The following SMAP1 variants were observed in gnomAD, a reference collection of about 807,000 sequenced individuals.
SMAP1 encodes the protein stromal membrane-associated protein 1.
Under a neutral mutation model 58.5 loss-of-function variants are expected in SMAP1, and 24 were observed. The observed-to-expected ratio is 0.41, with a 90% CI of 0.30 to 0.58. The LOEUF (loss-of-function observed/expected upper bound fraction) is 0.58, where lower values mean the gene tolerates loss of function less well. Among genes scored for constraint, SMAP1 ranks in the 20% least tolerant of loss-of-function variants. SMAP1 has a pLI of 0.29. For synonymous variants in SMAP1, 216 were observed against 196.6 expected (o/e 1.10, Z -0.82); for missense variants, 563 against 566.3 (o/e 0.99, Z 0.06).
chr6:70,820,876 G>A (rs922981794), intron 6 of SMAP1, among the ~76,000 whole-genome samples: 1 of 151,782 alleles, frequency 6.6e-6, no homozygotes, highest in East Asian at 1.9e-4. Flanking sequence ...TTTGCTTTTC[G>A]ACTCTTATTT....
intron 1 of SMAP1, among the ~76,000 whole-genome samples, chr6:70,671,685 A>G (rs967253231): frequency 6.6e-6 from 1 of 152,226 alleles, no homozygotes. Context: ...TGCATGTTCT[A>G]TCTCTGTAGG....
chr6:70,696,904 A>G (rs774860423), intron 1 of SMAP1, among the ~76,000 whole-genome samples: 4 of 152,150 alleles, frequency 2.6e-5, no homozygotes, highest in Admixed American at 6.5e-5. Flanking sequence ...TTTGCTTTAT[A>G]TATTTGGGTT....
At chr6:70,719,604 T>C (rs1450338942) in intron 1 of SMAP1, among the ~76,000 whole-genome samples, 1 of 152,180 alleles carries the variant, frequency 6.6e-6, no homozygotes, top group African/African-American at 2.4e-5. Flanking sequence ...TTCACGCTGC[T>C]GTTAAAGACG....
At chr6:70,799,553 G>A (rs1768758606) in intron 6 of SMAP1, among the ~76,000 whole-genome samples, 1 of 152,116 alleles carries the variant, frequency 6.6e-6, no homozygotes. Context: ...TCAGTAAAGG[G>A]AGCATCCTTG....
chr6:70,720,435 T>C (rs1197963357), intron 1 of SMAP1, among the ~76,000 whole-genome samples: 1 of 152,166 alleles, frequency 6.6e-6, no homozygotes, highest in East Asian at 1.9e-4. Flanking sequence ...GTGCAGGCTG[T>C]TAGTGGATCT....
intron 1 of SMAP1, among the ~76,000 whole-genome samples, chr6:70,704,217 TTTAG>T (rs1767748444): frequency 6.6e-6 from 1 of 152,254 alleles, no homozygotes; most frequent in African/African-American, 2.4e-5. Context: ...TCATGTAATT[TTTAG>T]AGCTATTAAC....
rs547430530 is a variant in SMAP1 at position 70,846,204 on chromosome 6, C to T, written c.665-6336C>T. 1.6e-4 allele frequency among the ~76,000 whole-genome samples: 24 copies of T among 152,106 alleles called. No individual in the cohort carries two copies. In the South Asian group the frequency reaches 3.9e-3, roughly 25 times the overall value. On this transcript the variant is annotated intron_variant, in intron 7 of 10. Transcript: ENST00000370455. ...AAAATAGTGTCATTATTTCACTTTTCTCCCACAAAAGTAGGATCACCTGAA... is the reference window on the plus strand; with the variant it reads ...AAAATAGTGTCATTATTTCACTTTTTTCCCACAAAAGTAGGATCACCTGAA...
intron 4 of SMAP1, among the ~76,000 whole-genome samples, chr6:70,790,033 A>G (rs543277655): frequency 2.6e-5 from 4 of 152,342 alleles, no homozygotes; most frequent in South Asian, 2.1e-4. Flanking sequence ...GACATACTCA[A>G]TGCCCGTATT....
At chr6:70,818,922 G>A (rs1239403983) in intron 6 of SMAP1, among the ~76,000 whole-genome samples, 2 of 151,444 alleles carry the variant, frequency 1.3e-5, no homozygotes, top group Non-Finnish European at 2.9e-5. Context: ...GTATAGTTCA[G>A]TGGCTTCTCT....
At chr6:70,670,578 ATATGT>A (rs898918607) in intron 1 of SMAP1, among the ~76,000 whole-genome samples, 1 of 152,184 alleles carries the variant, frequency 6.6e-6, no homozygotes, top group East Asian at 1.9e-4. Context: ...CTTTTAAAAG[ATATGT>A]TAAAGGTCTT....
At chr6:70,808,059 G>A (rs1769213650) in intron 6 of SMAP1, among the ~76,000 whole-genome samples, 1 of 152,054 alleles carries the variant, frequency 6.6e-6, no homozygotes, top group Admixed American at 6.6e-5. Context: ...TCATTAAGTG[G>A]AAGTAGATCA....
chr6:70,859,818 A>G, intron 10 of SMAP1: 1 of 179,924 alleles, frequency 5.6e-6, no homozygotes, highest in Non-Finnish European at 1.2e-5. Context: ...AGAGAATAAT[A>G]TCTATCATAC....
chr6:70,718,583 A>G (rs1279937491), intron 1 of SMAP1, among the ~76,000 whole-genome samples: 3 of 152,120 alleles, frequency 2.0e-5, no homozygotes, highest in African/African-American at 7.2e-5. Flanking sequence ...GCACTATGGG[A>G]GGCCAAGGCG....
intron 5 of SMAP1, among the ~76,000 whole-genome samples, chr6:70,795,561 T>G (rs1018816384): frequency 1.3e-5 from 2 of 152,148 alleles, no homozygotes; most frequent in Non-Finnish European, 2.9e-5. Context: ...ATCCTATTCA[T>G]GAAGGTTTCA....
chr6:70,688,429 G>C (rs1002688672), intron 1 of SMAP1, among the ~76,000 whole-genome samples: 1 of 152,182 alleles, frequency 6.6e-6, no homozygotes, highest in Non-Finnish European at 1.5e-5. Flanking sequence ...AATGATGTGA[G>C]CTATTTAGTT....
At chr6:70,841,760 A>G (rs1283714332) in intron 7 of SMAP1, among the ~76,000 whole-genome samples, 4 of 152,232 alleles carry the variant, frequency 2.6e-5, no homozygotes, top group Non-Finnish European at 5.9e-5. Flanking sequence ...TTCAGGAAAT[A>G]AAGGCTTTAA....
chr6:70,773,408 G>T lies in SMAP1; in HGVS notation c.397G>T (p.Ala133Ser). Residue 133 changes from alanine (A) to serine (S), a missense_variant, in exon 4 of 11, where the codon GCC becomes TCC. By Grantham distance (99) the Ala-to-Ser change is moderately conservative. Transcript: ENST00000370455. Reference sequence around the variant, plus strand: ...AAAGAAGAAATACTACGATAAAAATGCCATAGCTATTACAAATGTAAGTAA... The same window carrying T: ...AAAGAAGAAATACTACGATAAAAATTCCATAGCTATTACAAATGTAAGTAA... ...YEKKKYYDKN[A>S]IAITNISSSD... is the part of the protein sequence containing the mutation. The T allele has an allele frequency of 1.9e-6, 3 of 1,561,308 alleles. No individual in the cohort carries two copies. The highest frequency in any genetic ancestry group is 2.6e-6 in the Non-Finnish European group (3 of 1,141,854).
chr6:70,737,594 C>T (rs1172088289), intron 2 of SMAP1, among the ~76,000 whole-genome samples: 1 of 152,180 alleles, frequency 6.6e-6, no homozygotes, highest in Non-Finnish European at 1.5e-5. Flanking sequence ...GTTACCTTTG[C>T]TTATATCTAA....
chr6:70,717,505 G>A (rs995601889), intron 1 of SMAP1, among the ~76,000 whole-genome samples: 1 of 152,114 alleles, frequency 6.6e-6, no homozygotes, highest in Non-Finnish European at 1.5e-5. Flanking sequence ...CACAGGGAGG[G>A]GTTTGTGTGC....
Sources: gnomAD v4.1 joint callset for allele counts (sites outside exome capture counted in the v4.1 genomes callset) on GRCh38, gnomAD v4.1.1 for gene constraint, MANE v1.5 for transcripts, NCBI Gene and HGNC (gene_info 2026-07-23, HGNC 2026-07-21) for gene names.